Variants in PLA2G4A observed in about 807,000 individuals in gnomAD.
PLA2G4A encodes the protein cytosolic phospholipase A2.
A neutral mutation model predicts 81.9 loss-of-function variants in PLA2G4A; 40 were observed. The ratio of observed to expected loss-of-function variants is 0.49; its 90% CI spans 0.38 to 0.64. The LOEUF (loss-of-function observed/expected upper bound fraction) is 0.64. PLA2G4A is among the 30% of genes least tolerant of loss of function. The pLI is 0.00. For missense variants in PLA2G4A, 715 were observed against 905.1 expected (o/e 0.79, Z 2.69); for synonymous variants, 302 against 296.9 (o/e 1.02, Z -0.18).
At chr1:186,928,307 T>G (rs1365218450) in intron 7 of PLA2G4A, among the ~76,000 whole-genome samples, 1 of 152,112 alleles carries the variant, frequency 6.6e-6, no homozygotes, top group Non-Finnish European at 1.5e-5. Flanking sequence ...TCAGAAGCAA[T>G]GGAGAAGCAT....
At chr1:186,919,104 A>G (rs1655253469) in intron 7 of PLA2G4A, among the ~76,000 whole-genome samples, 1 of 152,226 alleles carries the variant, frequency 6.6e-6, no homozygotes, top group African/African-American at 2.4e-5. Context: ...TGGTAGTCCT[A>G]GGGCTGGGGC....
chr1:186,956,031 T>C, intron 13 of PLA2G4A, 71 bp from the exon 14 acceptor site: 7 of 1,408,652 alleles, frequency 5.0e-6, no homozygotes, highest in Admixed American at 1.7e-5. Flanking sequence ...TGAGCCACCG[T>C]GCCCAGCCCA....
Position 186,870,067 on chromosome 1 carries a change from C to T in PLA2G4A, c.34-368C>T, listed in dbSNP as rs149236510. On this transcript the variant is annotated intron_variant, in intron 2 of 17. Transcript: ENST00000367466. Reference sequence around the variant, plus strand: ...TTCAGTGAACAGCAACAACAACAAACGAATCTAGAATGTCTTGCTCTGAGT... The same window carrying T: ...TTCAGTGAACAGCAACAACAACAAATGAATCTAGAATGTCTTGCTCTGAGT... Among the ~76,000 whole-genome samples, 224 of 152,238 alleles carry T rather than the reference C, an allele frequency of 1.5e-3. 1 individual carries two copies. The highest frequency in any genetic ancestry group is 4.9e-3 in the African/African-American group (202 of 41,540).
chr1:186,943,573 T>C (rs1656233213), intron 10 of PLA2G4A, among the ~76,000 whole-genome samples: 1 of 152,112 alleles, frequency 6.6e-6, no homozygotes, highest in Non-Finnish European at 1.5e-5. Flanking sequence ...GTCATAGAGA[T>C]TTAGTATAGT....
chr1:186,890,859 A>T (rs888446595), intron 3 of PLA2G4A, among the ~76,000 whole-genome samples: 1 of 151,770 alleles, frequency 6.6e-6, no homozygotes, highest in African/African-American at 2.4e-5. Context: ...CTCAAAAAAA[A>T]AAAAAAAGGA....
intron 16 of PLA2G4A, 34 bp downstream of exon 16, chr1:186,977,822 G>T (rs1393465212): frequency 7.2e-7 from 1 of 1,385,784 alleles, no homozygotes; most frequent in Non-Finnish European, 1.0e-6. Context: ...CCATAAAATA[G>T]AAATTAAGTA....
At position 186,854,260 on chromosome 1, in the gene PLA2G4A, A is replaced by C; in HGVS notation, c.-69-26A>C. ...TAGAACTGCATCCAAGAGGAAGCTTAACAATAGTGATTGTTTATTTTGTAG... is the reference window on the plus strand; with the variant it reads ...TAGAACTGCATCCAAGAGGAAGCTTCACAATAGTGATTGTTTATTTTGTAG... On this transcript the variant is annotated intron_variant, in intron 1 of 17. Coordinates refer to ENST00000367466, the MANE Select transcript of PLA2G4A (RefSeq NM_024420.3). 6.3e-6 allele frequency: 5 copies of C among 790,554 alleles called. No individual in the cohort carries two copies. In the Admixed American group the frequency reaches 9.1e-5, roughly 14 times the overall value. 49.0% of individuals were successfully genotyped at this position (790,554 alleles called of 1,614,324 possible).
In PLA2G4A at chr1:186,893,227, C is replaced by T. The variant is rs563488248; in HGVS notation, c.264+68C>T. On this transcript the variant is annotated intron_variant, in intron 4 of 17. Coordinates refer to ENST00000367466, the MANE Select transcript of PLA2G4A (RefSeq NM_024420.3). ...GTTGAGAGACATGCTTGAGTTTGTC[C>T]TTTTACTGCCTTTTTGTTCCTGTTA... is the stretch of plus-strand genomic sequence containing the variant. 4 of 1,309,890 alleles carry T rather than the reference C, an allele frequency of 3.1e-6. No homozygotes were observed. In the South Asian group the frequency reaches 3.5e-5, roughly 12 times the overall value. The allele number at this position is 1,309,890 out of a possible 1,614,324, so 81.1% of individuals were successfully genotyped here.
At chr1:186,929,505 G>A (rs562249120) in intron 7 of PLA2G4A, among the ~76,000 whole-genome samples, 2 of 152,024 alleles carry the variant, frequency 1.3e-5, no homozygotes, top group East Asian at 3.9e-4. Flanking sequence ...AAAGCTTCAG[G>A]ATCAATATTT....
At chr1:186,978,517 G>T (rs993376011) in intron 16 of PLA2G4A, among the ~76,000 whole-genome samples, 1 of 151,874 alleles carries the variant, frequency 6.6e-6, no homozygotes, top group Non-Finnish European at 1.5e-5. Flanking sequence ...GACAAAGAAA[G>T]AATTGATAGG....
At chr1:186,934,582 T>C (rs1214199233) in intron 8 of PLA2G4A, among the ~76,000 whole-genome samples, 1 of 151,412 alleles carries the variant, frequency 6.6e-6, no homozygotes, top group Non-Finnish European at 1.5e-5. Flanking sequence ...ACTTCTACTC[T>C]ATCTTTCACA....
intron 17 of PLA2G4A, among the ~76,000 whole-genome samples, chr1:186,987,515 G>A (rs542431794): frequency 6.6e-5 from 10 of 152,318 alleles, no homozygotes; most frequent in African/African-American, 2.2e-4. Context: ...GATGAAATGA[G>A]GACTGTCCTG....
chr1:186,980,159 T>A (rs1198991035), intron 17 of PLA2G4A, among the ~76,000 whole-genome samples: 1 of 151,996 alleles, frequency 6.6e-6, no homozygotes, highest in African/African-American at 2.4e-5. Context: ...CGTGTTAGTC[T>A]CCATCTCCTG....
At chr1:186,851,802 G>C (rs1292412788) in intron 1 of PLA2G4A, among the ~76,000 whole-genome samples, 2 of 151,882 alleles carry the variant, frequency 1.3e-5, no homozygotes, top group South Asian at 4.1e-4. Context: ...AAAATACTTA[G>C]AGCCTAATCA....
intron 17 of PLA2G4A, among the ~76,000 whole-genome samples, chr1:186,983,403 G>A (rs1344450599): frequency 6.6e-6 from 1 of 152,156 alleles, no homozygotes; most frequent in African/African-American, 2.4e-5. Context: ...GTGGCTTAGG[G>A]CAACGTTTCC....
chr1:186,958,688 T>C (rs948873743), intron 14 of PLA2G4A, among the ~76,000 whole-genome samples: 2 of 152,200 alleles, frequency 1.3e-5, no homozygotes, highest in African/African-American at 4.8e-5. Flanking sequence ...CTTGCTTATG[T>C]AAAAATGGAA....
chr1:186,983,517 C>T (rs1299756930), intron 17 of PLA2G4A, among the ~76,000 whole-genome samples: 4 of 152,168 alleles, frequency 2.6e-5, no homozygotes, highest in Non-Finnish European at 5.9e-5. Context: ...TCTAGCTTGC[C>T]TGCTTTGCCA....
chr1:186,870,526 C>G lies in PLA2G4A; in HGVS notation c.115+10C>G, dbSNP rs1203944645. 36 of 1,576,852 alleles carry G rather than the reference C, an allele frequency of 2.3e-5. No individual in the cohort carries two copies. The highest frequency in any genetic ancestry group is 3.1e-5 in the Non-Finnish European group (36 of 1,146,930). On this transcript the variant is annotated intron_variant, in intron 3 of 17. Transcript: ENST00000367466. ...GCCTTTGGTGACATGCGTAAGTGCCCTTTTTTTCTTTGCTGTTAAACATGT... is the reference window on the plus strand; with the variant it reads ...GCCTTTGGTGACATGCGTAAGTGCCGTTTTTTTCTTTGCTGTTAAACATGT...
At chr1:186,971,411 ATTCTT>A (rs2102285972) in intron 15 of PLA2G4A, among the ~76,000 whole-genome samples, 1 of 152,084 alleles carries the variant, frequency 6.6e-6, no homozygotes, top group South Asian at 2.1e-4. Context: ...CATTTTGTCA[ATTCTT>A]TTCTTCCCGT....
Sources: allele counts gnomAD v4.1 joint callset (sites outside exome capture counted in the v4.1 genomes callset), GRCh38; gene constraint gnomAD v4.1.1; transcripts MANE v1.5; gene names NCBI Gene and HGNC (gene_info 2026-07-23, HGNC 2026-07-21).